The following CDH12 variants were observed in gnomAD, a reference collection of about 807,000 sequenced individuals.
CDH12 encodes cadherin 12, also known as cadherin-12.
Under a neutral mutation model 74.1 loss-of-function variants are expected in CDH12, and 41 were observed. The observed-to-expected ratio is 0.55, with a 90% CI of 0.43 to 0.72. The LOEUF (loss-of-function observed/expected upper bound fraction) is 0.72, where lower values mean the gene tolerates loss of function less well. CDH12 is among the 30% of genes least tolerant of loss of function. The pLI is 0.00. For missense variants in CDH12, 945 were observed against 977.2 expected (o/e 0.97, Z 0.44); for synonymous variants, 399 against 355.0 (o/e 1.12, Z -1.39).
chr5:22,324,152 A>G (rs886661315), intron 3 of CDH12, among the ~76,000 whole-genome samples: 2 of 152,158 alleles, frequency 1.3e-5, no homozygotes, highest in Non-Finnish European at 2.9e-5. Context: ...CAATGATGAT[A>G]TTATAACAAA....
chr5:22,669,135 C>G (rs1032733217), intron 1 of CDH12, among the ~76,000 whole-genome samples: 1 of 151,940 alleles, frequency 6.6e-6, no homozygotes, highest in African/African-American at 2.4e-5. Context: ...AAAATCCATT[C>G]TCAAATACAG....
At chr5:21,915,078 A>T (rs140067949) in intron 6 of CDH12, among the ~76,000 whole-genome samples, 89 of 152,322 alleles carry the variant, frequency 5.8e-4, no homozygotes, top group Admixed American at 1.6e-3. Context: ...CAGCCTGGGA[A>T]GGACCTGAAA....
chr5:22,842,537 G>T (rs1483739744), intron 1 of CDH12, among the ~76,000 whole-genome samples: 1 of 152,012 alleles, frequency 6.6e-6, no homozygotes, highest in East Asian at 1.9e-4. Flanking sequence ...TGTGGAATGG[G>T]GTAATAACCA....
At chr5:22,431,601 T>G (rs374015708) in intron 2 of CDH12, among the ~76,000 whole-genome samples, 1 of 152,338 alleles carries the variant, frequency 6.6e-6, no homozygotes, top group Admixed American at 6.5e-5. Context: ...CAGGACATAT[T>G]CCACAAGAAG....
intron 13 of CDH12, among the ~76,000 whole-genome samples, chr5:21,757,745 G>A (rs1367067782): frequency 1.3e-5 from 2 of 151,800 alleles, no homozygotes; most frequent in Non-Finnish European, 2.9e-5. Context: ...GATACGTTGT[G>A]GAAAATAGTC....
At chr5:22,788,717 T>G (rs1747766986) in intron 1 of CDH12, among the ~76,000 whole-genome samples, 1 of 149,008 alleles carries the variant, frequency 6.7e-6, no homozygotes, top group Admixed American at 6.7e-5. Flanking sequence ...TATATCATTT[T>G]ATATATGTAT....
intron 3 of CDH12, among the ~76,000 whole-genome samples, chr5:22,396,992 C>T (rs867729750): frequency 1.3e-5 from 2 of 151,984 alleles, no homozygotes; most frequent in African/African-American, 2.4e-5. Context: ...TTCTCTTTTA[C>T]GTATATAAAC....
intron 1 of CDH12, among the ~76,000 whole-genome samples, chr5:22,644,055 C>T (rs1391751691): frequency 1.3e-5 from 2 of 151,996 alleles, no homozygotes; most frequent in African/African-American, 4.8e-5. Context: ...AAGCCATTCC[C>T]TGTCCTTCTT....
At chr5:22,538,230 C>G (rs774560557) in intron 1 of CDH12, among the ~76,000 whole-genome samples, 5 of 152,100 alleles carry the variant, frequency 3.3e-5, no homozygotes, top group Non-Finnish European at 5.9e-5. Flanking sequence ...ATTTCTTCAC[C>G]CTGAATGATT....
At chr5:22,483,134 C>T (rs561096588) in intron 2 of CDH12, among the ~76,000 whole-genome samples, 8 of 152,074 alleles carry the variant, frequency 5.3e-5, no homozygotes, top group African/African-American at 1.4e-4. Context: ...AAAGAAAATA[C>T]AGGCTTTATA....
chr5:21,839,181 T>C (rs1233554386), intron 8 of CDH12, among the ~76,000 whole-genome samples: 1 of 152,196 alleles, frequency 6.6e-6, no homozygotes, highest in Non-Finnish European at 1.5e-5. Flanking sequence ...CGAGATCATA[T>C]TAGTCACACC....
chr5:22,205,355 C>T (rs1315827166), intron 4 of CDH12, among the ~76,000 whole-genome samples: 2 of 151,874 alleles, frequency 1.3e-5, no homozygotes, highest in African/African-American at 4.8e-5. Flanking sequence ...GGGAGAAAAA[C>T]AATAATCAAA....
intron 1 of CDH12, among the ~76,000 whole-genome samples, chr5:22,791,464 C>G (rs1324378782): frequency 6.6e-6 from 1 of 152,012 alleles, no homozygotes. Flanking sequence ...ATATTTAATG[C>G]CTTAAAAAAG....
chr5:22,669,285 C>T (rs1222270323), intron 1 of CDH12, among the ~76,000 whole-genome samples: 1 of 152,090 alleles, frequency 6.6e-6, no homozygotes, highest in African/African-American at 2.4e-5. Context: ...TCATTTGAAG[C>T]TGAAGGAAAC....
At chr5:22,330,380 G>T (rs1739296726) in intron 3 of CDH12, among the ~76,000 whole-genome samples, 1 of 152,038 alleles carries the variant, frequency 6.6e-6, no homozygotes, top group Admixed American at 6.6e-5. Flanking sequence ...TGGTCCTTGG[G>T]CTATGAGATG....
intron 9 of CDH12, among the ~76,000 whole-genome samples, chr5:21,811,910 G>A (rs1449979343): frequency 1.3e-5 from 2 of 151,514 alleles, no homozygotes. Context: ...TCTGTCACAG[G>A]GCTCATAAAG....
chr5:21,997,677 G>A (rs567124319), intron 5 of CDH12, among the ~76,000 whole-genome samples: 1 of 152,158 alleles, frequency 6.6e-6, no homozygotes, highest in East Asian at 1.9e-4. Flanking sequence ...AATATAGACA[G>A]AAGATTCTCT....
chr5:22,255,574 A>T (rs994667590), intron 3 of CDH12, among the ~76,000 whole-genome samples: 1 of 151,746 alleles, frequency 6.6e-6, no homozygotes, highest in Non-Finnish European at 1.5e-5. Context: ...AAAAATATTT[A>T]TGTCTCAAGG....
intron 6 of CDH12, among the ~76,000 whole-genome samples, chr5:21,880,480 T>TCCC (rs1752191382): frequency 7.0e-5 from 2 of 28,670 alleles, no homozygotes; most frequent in Admixed American, 5.5e-4. Flanking sequence ...CCTTCCTTCC[T>TCCC]TCCTTCCTTC....
Sources: allele counts gnomAD v4.1 joint callset (sites outside exome capture counted in the v4.1 genomes callset), GRCh38; gene constraint gnomAD v4.1.1; transcripts MANE v1.5; gene names NCBI Gene and HGNC (gene_info 2026-07-23, HGNC 2026-07-21).